SLC25A24: variants seen among roughly 807,000 people sequenced by gnomAD.
SLC25A24 encodes the protein solute carrier family 25 member 24, also known as mitochondrial adenyl nucleotide antiporter SLC25A24.
A neutral mutation model predicts 60.7 loss-of-function variants in SLC25A24; 49 were observed. That is an observed-to-expected ratio of 0.81 (90% CI 0.64 to 1.02). The LOEUF is 1.02. SLC25A24 is among the 50% of genes least tolerant of loss of function. The probability of loss-of-function intolerance (pLI) is 0.00; values close to 1 mark genes in which losing one functional copy is unlikely to be tolerated. For missense variants in SLC25A24, 564 were observed against 586.3 expected (o/e 0.96, Z 0.39); for synonymous variants, 202 against 200.6 (o/e 1.01, Z -0.06).
At chr1:108,183,781 G>C (rs768901301) in intron 2 of SLC25A24, among the ~76,000 whole-genome samples, 7 of 152,120 alleles carry the variant, frequency 4.6e-5, no homozygotes, top group African/African-American at 9.7e-5. Flanking sequence ...CCTTGAAAGG[G>C]ATACTTGCTA....
rs1443036911 is a variant in SLC25A24, at chr1:108,135,533, T to C, written c.*1120A>G. 6.6e-6 allele frequency: 1 copy of C among 152,270 alleles called. No homozygotes were observed. The highest frequency in any genetic ancestry group is 1.5e-5 in the Non-Finnish European group (1 of 68,030). The allele number at this position is 152,270 out of a possible 1,614,324, so 9.4% of individuals were successfully genotyped here. A position where few individuals can be genotyped will look rare whatever the true frequency, so the allele number is the denominator to read the frequency against. ...TCTCATTATTATAAATTAAGTCTCC[T>C]ATATCCTAACATGTTCCTAAAACTT... is the stretch of plus-strand genomic sequence containing the variant. On this transcript the variant is annotated 3_prime_UTR_variant, in exon 10 of 10. Coordinates refer to ENST00000565488, the MANE Select transcript of SLC25A24 (RefSeq NM_013386.5).
At chr1:108,159,430 G>C (rs1469720727) in intron 4 of SLC25A24, among the ~76,000 whole-genome samples, 1 of 145,182 alleles carries the variant, frequency 6.9e-6, no homozygotes, top group East Asian at 2.1e-4. Flanking sequence ...CTTCTTCCAA[G>C]TTTTCAGAAT....
At chr1:108,180,449 T>C (rs1356017515) in intron 3 of SLC25A24, among the ~76,000 whole-genome samples, 3 of 152,304 alleles carry the variant, frequency 2.0e-5, no homozygotes, top group Admixed American at 1.3e-4. Context: ...CATTATCCTT[T>C]GCTATGGACT....
chr1:108,174,772 C>A (rs186879754), intron 3 of SLC25A24, among the ~76,000 whole-genome samples: 10 of 152,312 alleles, frequency 6.6e-5, no homozygotes, highest in South Asian at 4.1e-4. Flanking sequence ...TTAGCATGAA[C>A]TGGATGTGTG....
chr1:108,179,245 G>A (rs1647824676), intron 3 of SLC25A24, among the ~76,000 whole-genome samples: 3 of 152,026 alleles, frequency 2.0e-5, no homozygotes. Context: ...GATAACAAGT[G>A]TTGGCAAGTA....
chr1:108,187,927 G>GATAGATATATATATATATAT lies in SLC25A24; in HGVS notation c.184-1974_184-1973insATATATATATATATATCTAT. Among the ~76,000 whole-genome samples, 218 of 95,762 alleles carry GATAGATATATATATATATAT rather than the reference G, an allele frequency of 2.3e-3. 4 individuals are homozygous for GATAGATATATATATATATAT. Among genetic ancestry groups the GATAGATATATATATATATAT allele is most frequent in the African/African-American group, 5.2e-3 (125 of 24,036 alleles). The allele number at this position is 95,762 out of a possible 152,430, so 62.8% of individuals were successfully genotyped here. On this transcript the variant is annotated intron_variant, in intron 1 of 9. Transcript: ENST00000565488. ...TACACGAAATGGATAAGACATTATA[G>GATAGATATATATATATATAT]ATATATATATATATATATTCATGCA...
intron 1 of SLC25A24, chr1:108,192,408 A>C: frequency 1.1e-6 from 1 of 939,682 alleles, no homozygotes; most frequent in Non-Finnish European, 1.6e-6. Context: ...CAAGCTTGAC[A>C]ACATGTAAAT....
intron 3 of SLC25A24, among the ~76,000 whole-genome samples, chr1:108,161,760 T>C (rs1680090968): frequency 6.6e-6 from 1 of 152,170 alleles, no homozygotes; most frequent in Admixed American, 6.5e-5. Context: ...ACAGCTATTA[T>C]AAAAAATCAA....
intron 4 of SLC25A24, among the ~76,000 whole-genome samples, chr1:108,158,142 CCTA>C (rs1435052893): frequency 2.0e-5 from 3 of 152,048 alleles, no homozygotes; most frequent in East Asian, 3.9e-4. Context: ...AAACTCATTT[CCTA>C]CTGTTTATAA....
Position 108,135,326 on chromosome 1 carries a change from C to A in SLC25A24, c.*1327G>T, listed in dbSNP as rs554248320. The A allele has an allele frequency of 2.7e-4, 41 of 152,438 alleles. No homozygotes were observed. The highest frequency in any genetic ancestry group is 4.7e-4 in the Non-Finnish European group (32 of 67,994). 9.4% of individuals were successfully genotyped at this position (152,438 alleles called of 1,614,324 possible). A position where few individuals can be genotyped will look rare whatever the true frequency, so the allele number is the denominator to read the frequency against. On this transcript the variant is annotated 3_prime_UTR_variant, in exon 10 of 10. Transcript: ENST00000565488. ...CAAATAAAGAAAATGCCTATTACATCATTAGATTTTCATTAAAATGCTGGA... is the reference window on the plus strand; with the variant it reads ...CAAATAAAGAAAATGCCTATTACATAATTAGATTTTCATTAAAATGCTGGA...
chr1:108,152,839 G>A (rs1245241644), intron 6 of SLC25A24, among the ~76,000 whole-genome samples: 3 of 152,186 alleles, frequency 2.0e-5, no homozygotes, highest in African/African-American at 4.8e-5. Flanking sequence ...AATTCAATGT[G>A]AAAGTGCTGT....
intron 9 of SLC25A24, 148 bp downstream of exon 9, chr1:108,138,910 A>G (rs1328534094): frequency 3.8e-6 from 3 of 789,132 alleles, no homozygotes; most frequent in Non-Finnish European, 5.6e-6. Context: ...GAATTTCTGA[A>G]AAGATTCCTT....
chr1:108,175,877 G>C (rs1443289889), intron 3 of SLC25A24, among the ~76,000 whole-genome samples: 2 of 152,184 alleles, frequency 1.3e-5, no homozygotes, highest in South Asian at 2.1e-4. Flanking sequence ...CTCTAGACAG[G>C]CTGACTGTTG....
chr1:108,154,932 C>T (rs1294520338), intron 6 of SLC25A24, 51 bp downstream of exon 6: 1 of 1,380,092 alleles, frequency 7.2e-7, no homozygotes, highest in Non-Finnish European at 1.0e-6. Flanking sequence ...TTTATTGAAT[C>T]CGTTTACTAA....
intron 7 of SLC25A24, among the ~76,000 whole-genome samples, chr1:108,147,981 C>T (rs1439331303): frequency 3.3e-5 from 5 of 152,136 alleles, no homozygotes; most frequent in Admixed American, 3.3e-4. Context: ...TACAGAAAGG[C>T]TCACGTGATA....
chr1:108,151,657 C>A (rs1412419682), intron 6 of SLC25A24, among the ~76,000 whole-genome samples: 1 of 152,148 alleles, frequency 6.6e-6, no homozygotes, highest in Non-Finnish European at 1.5e-5. Flanking sequence ...CATTTATAAG[C>A]TCTTCTTGAG....
At position 108,171,357 on chromosome 1, in the gene SLC25A24, G is replaced by A. The variant is rs111590648; in HGVS notation, c.399-10064C>T. Among the ~76,000 whole-genome samples the A allele has an allele frequency of 5.5e-3, 830 of 152,156 alleles. 6 individuals carry two copies. The highest frequency in any genetic ancestry group is 0.02 in the African/African-American group (812 of 41,504). On this transcript the variant is annotated intron_variant, in intron 3 of 9. Coordinates refer to ENST00000565488, the MANE Select transcript of SLC25A24 (RefSeq NM_013386.5). ...TTACATACTATTATTGTCTAGTATT[G>A]TAGTTGTCCTTTTTCTTAGAACCCA...
At chr1:108,189,945 G>A (rs940576138) in intron 1 of SLC25A24, among the ~76,000 whole-genome samples, 2 of 151,822 alleles carry the variant, frequency 1.3e-5, no homozygotes, top group Non-Finnish European at 2.9e-5. Context: ...GTATTCAGTG[G>A]GGGTCTTGGA....
chr1:108,187,927 G>GAGATATATATATATATATATAT (rs1553256780), intron 1 of SLC25A24, among the ~76,000 whole-genome samples: 3 of 95,774 alleles, frequency 3.1e-5, no homozygotes, highest in African/African-American at 8.3e-5. Context: ...AGACATTATA[G>GAGATATATATATATATATATAT]ATATATATAT....
Sources: gnomAD v4.1 joint callset for allele counts (sites outside exome capture counted in the v4.1 genomes callset) on GRCh38, gnomAD v4.1.1 for gene constraint, MANE v1.5 for transcripts, NCBI Gene and HGNC (gene_info 2026-07-23, HGNC 2026-07-21) for gene names.